The following WDR17 variants were observed in gnomAD, a reference collection of about 807,000 sequenced individuals.
WDR17 encodes the protein WD repeat domain 17, also known as WD repeat-containing protein 17.
In WDR17, 143 loss-of-function variants were observed where a neutral mutation model predicts 161.7. The observed-to-expected ratio is 0.88, with a 90% CI of 0.77 to 1.02. WDR17 has a LOEUF of 1.02. WDR17 is among the 50% of genes least tolerant of loss of function. The probability of loss-of-function intolerance (pLI) is 0.00; values close to 1 mark genes in which losing one functional copy is unlikely to be tolerated. For missense variants in WDR17, 1,469 were observed against 1,520.9 expected (o/e 0.97, Z 0.57); for synonymous variants, 517 against 515.6 (o/e 1.00, Z -0.04).
At chr4:176,088,865 A>T (rs1735751747) in intron 1 of WDR17, among the ~76,000 whole-genome samples, 1 of 152,058 alleles carries the variant, frequency 6.6e-6, no homozygotes, top group Non-Finnish European at 1.5e-5. Flanking sequence ...TGCTTCTAAC[A>T]ATACTTGTGG....
At position 176,148,342 on chromosome 4, in the gene WDR17, T is replaced by G; in HGVS notation, c.1897+7T>G. ...CACGGTGCAGATGTATATGGTAGAGTGTCTTTCATTCTTTCATGTATTTGT... is the reference window on the plus strand; with the variant it reads ...CACGGTGCAGATGTATATGGTAGAGGGTCTTTCATTCTTTCATGTATTTGT... On this transcript the variant is annotated splice_region_variant and intron_variant, in intron 13 of 28. Coordinates refer to ENST00000508596, the MANE Select transcript of WDR17 (RefSeq NM_181265.4). 1 of 1,608,642 alleles carries G rather than the reference T, an allele frequency of 6.2e-7. No homozygotes were observed. The highest frequency in any genetic ancestry group is 8.5e-7 in the Non-Finnish European group (1 of 1,176,852).
intron 1 of WDR17, chr4:176,096,587 T>A: frequency 6.3e-7 from 1 of 1,579,896 alleles, no homozygotes; most frequent in Non-Finnish European, 8.6e-7. Context: ...CTACAAAGAG[T>A]AAGATACATT....
intron 1 of WDR17, among the ~76,000 whole-genome samples, chr4:176,066,876 G>A (rs962874647): frequency 2.0e-5 from 3 of 152,054 alleles, no homozygotes; most frequent in Non-Finnish European, 4.4e-5. Context: ...CGTTGTAAAA[G>A]GATACGAAAC....
intron 11 of WDR17, among the ~76,000 whole-genome samples, chr4:176,143,848 T>C (rs143977478): frequency 2.6e-5 from 4 of 152,260 alleles, no homozygotes; most frequent in African/African-American, 9.6e-5. Flanking sequence ...CCTCTCCATG[T>C]TGCAGTCAGA....
At chr4:176,152,430 G>A (rs13101667) in intron 17 of WDR17, among the ~76,000 whole-genome samples, 1 of 151,170 alleles carries the variant, frequency 6.6e-6, no homozygotes, top group East Asian at 1.9e-4. Flanking sequence ...CCTTGTCTCT[G>A]CTAAAATACA....
rs776428411 is a variant in WDR17 at position 176,177,461 on chromosome 4, G to A, written c.3549-10G>A. The A allele has an allele frequency of 6.6e-7, 1 of 1,525,078 alleles. No homozygotes were observed. The highest frequency in any genetic ancestry group is 2.4e-5 in the Admixed American group (1 of 41,666). 94.5% of individuals were successfully genotyped at this position (1,525,078 alleles called of 1,614,324 possible). A position where few individuals can be genotyped will look rare whatever the true frequency, so the allele number is the denominator to read the frequency against. ...ACAAAATGAAATTTTGATATCTGTT[G>A]AAAATATAGATCATTAGAAGACTCT... On this transcript the variant is annotated splice_polypyrimidine_tract_variant and intron_variant, in intron 27 of 28. Coordinates refer to ENST00000508596, the MANE Select transcript of WDR17 (RefSeq NM_181265.4).
intron 10 of WDR17, among the ~76,000 whole-genome samples, chr4:176,141,336 A>G (rs1745223055): frequency 6.6e-6 from 1 of 152,206 alleles, no homozygotes; most frequent in Non-Finnish European, 1.5e-5. Flanking sequence ...ATAAATTTTG[A>G]ACTACCTCAT....
chr4:176,067,170 A>G (rs565735496), intron 1 of WDR17, among the ~76,000 whole-genome samples: 6 of 152,298 alleles, frequency 3.9e-5, no homozygotes, highest in Non-Finnish European at 8.8e-5. Flanking sequence ...AAGAAAATGG[A>G]TATAGTTATA....
At chr4:176,166,171 C>T (rs4388031) in intron 22 of WDR17, 788,558 of 810,772 alleles carry the variant, frequency 0.97, 383,903 homozygotes, top group East Asian at 1. Context: ...TTTAAGAACA[C>T]ATTCCTTTAA....
intron 15 of WDR17, 86 bp from the exon 16 acceptor site, chr4:176,150,382 G>T (rs1050219189): frequency 6.6e-7 from 1 of 1,504,212 alleles, no homozygotes; most frequent in Non-Finnish European, 8.9e-7. Flanking sequence ...ATTTAGATAT[G>T]CCTGCATTAT....
intron 5 of WDR17, among the ~76,000 whole-genome samples, chr4:176,128,020 A>G (rs1295794436): frequency 6.6e-6 from 1 of 152,204 alleles, no homozygotes. Context: ...ATGTCATTAT[A>G]TGGATATGGC....
At chr4:176,149,318 G>A (rs1746716594) in intron 13 of WDR17, among the ~76,000 whole-genome samples, 1 of 151,406 alleles carries the variant, frequency 6.6e-6, no homozygotes, top group Admixed American at 6.6e-5. Flanking sequence ...TGCCCAGGAT[G>A]GTGTACAGTG....
chr4:176,120,062 G>GTCATATT lies in WDR17; in HGVS notation c.504_510dup (p.Asp171SerfsTer3). 1 of 1,613,838 alleles carries GTCATATT rather than the reference G, an allele frequency of 6.2e-7. No individual in the cohort carries two copies. The highest frequency in any genetic ancestry group is 2.2e-5 in the East Asian group (1 of 44,864). On this transcript the variant is annotated frameshift_variant, in exon 4 of 29. Transcript: ENST00000508596. LOFTEE classifies it high-confidence loss of function. Reference sequence around the variant, plus strand: ...CACCAAAAGGGGAAAGTTGTGTTTGGTCATATTGATGGAAGTCTATCAATT... The same window carrying GTCATATT: ...CACCAAAAGGGGAAAGTTGTGTTTGGTCATATTTCATATTGATGGAAGTCTATCAATT...
chr4:176,098,966 T>C (rs1428631346), intron 1 of WDR17, among the ~76,000 whole-genome samples: 3 of 152,054 alleles, frequency 2.0e-5, no homozygotes, highest in Non-Finnish European at 4.4e-5. Context: ...CCAAATTTTA[T>C]GTCAACATAG....
At chr4:176,155,794 C>T (rs865899269) in intron 17 of WDR17, among the ~76,000 whole-genome samples, 12 of 149,944 alleles carry the variant, frequency 8.0e-5, no homozygotes, top group African/African-American at 2.7e-4. Context: ...AACTCCTAGC[C>T]TCAAGCAATC....
chr4:176,067,228 T>C (rs537555576), intron 1 of WDR17, among the ~76,000 whole-genome samples: 1 of 152,320 alleles, frequency 6.6e-6, no homozygotes, highest in South Asian at 2.1e-4. Flanking sequence ...TCTGAGAACC[T>C]TTCCCCTCCT....
intron 13 of WDR17, among the ~76,000 whole-genome samples, chr4:176,148,843 C>G (rs1308098185): frequency 6.6e-6 from 1 of 152,146 alleles, no homozygotes; most frequent in East Asian, 1.9e-4. Flanking sequence ...AATCAGATTA[C>G]TTACCATTTG....
chr4:176,090,256 T>A (rs73874921), intron 1 of WDR17, among the ~76,000 whole-genome samples: 7,631 of 132,418 alleles, frequency 0.058, 410 homozygotes, highest in African/African-American at 0.16. Context: ...CTGGTTGTTT[T>A]AAAAAAAAAA....
At chr4:176,107,548 C>T (rs1738951095) in intron 1 of WDR17, among the ~76,000 whole-genome samples, 1 of 151,232 alleles carries the variant, frequency 6.6e-6, no homozygotes, top group East Asian at 1.9e-4. Context: ...AAATCACAGA[C>T]ACGTGGATAA....
Sources: allele counts gnomAD v4.1 joint callset (sites outside exome capture counted in the v4.1 genomes callset), GRCh38; gene constraint gnomAD v4.1.1; transcripts MANE v1.5; gene names NCBI Gene and HGNC (gene_info 2026-07-23, HGNC 2026-07-21).